PFKFB2: variants seen among roughly 807,000 people sequenced by gnomAD.
PFKFB2 encodes 6-phosphofructo-2-kinase/fructose-2,6-biphosphatase 2, also known as 6-phosphofructo-2-kinase/fructose-2,6-bisphosphatase 2.
A neutral mutation model predicts 68.0 loss-of-function variants in PFKFB2; 53 were observed. The observed-to-expected ratio is 0.78, with a 90% CI of 0.63 to 0.98. The LOEUF is 0.98. Ranked by LOEUF, PFKFB2 falls within the 50% of genes least tolerant of loss-of-function variation. The pLI, the probability that PFKFB2 is intolerant of heterozygous loss-of-function variation, is 0.00. For missense variants in PFKFB2, 451 were observed against 642.0 expected, an observed-to-expected ratio of 0.70 and a Z score of 3.22; for synonymous variants, 222 against 227.6, an observed-to-expected ratio of 0.98 and a Z score of 0.22.
In PFKFB2 at chr1:207,074,702, A is replaced by G. The variant is rs559143869; in HGVS notation, c.*2331A>G. On this transcript the variant is annotated 3_prime_UTR_variant, in exon 15 of 15. Coordinates refer to ENST00000367080, the MANE Select transcript of PFKFB2 (RefSeq NM_006212.2). Reference sequence around the variant, plus strand: ...GAGCTTTGGGCTGGTAGGGGCAGGGATAGGGGAAAGCTAAACAGAAGTAGA... The same window carrying G: ...GAGCTTTGGGCTGGTAGGGGCAGGGGTAGGGGAAAGCTAAACAGAAGTAGA... 9.7e-5 allele frequency: 96 copies of G among 985,418 alleles called. No homozygotes were observed. The South Asian group carries it at 4.0e-3, about 41-fold the overall frequency. The allele number at this position is 985,418 out of a possible 1,614,324, so 61.0% of individuals were successfully genotyped here.
chr1:207,071,510 G>A lies in PFKFB2; in HGVS notation c.1287G>A (p.Gly429=). 1.2e-6 allele frequency: 2 copies of A among 1,612,870 alleles called. No homozygotes were observed. Among genetic ancestry groups the A allele is most frequent in the Non-Finnish European group, 8.5e-7 (1 of 1,178,998 alleles). The change falls in exon 14 of 15, where the codon GGG becomes GGA. Residue 429 remains glycine (G), a splice_region_variant and synonymous_variant. Coordinates refer to ENST00000367080, the MANE Select transcript of PFKFB2 (RefSeq NM_006212.2). ...TIFKLTPVAY[G]CKVETIKLNV... Reference sequence around the variant, plus strand: ...CCTCTCTTTCCTCTGTTTTCTCAGGGTGCAAAGTGGAAACAATTAAACTTA... The same window carrying A: ...CCTCTCTTTCCTCTGTTTTCTCAGGATGCAAAGTGGAAACAATTAAACTTA...
At position 207,073,145 on chromosome 1, in the gene PFKFB2, T is replaced by G; in HGVS notation, c.*774T>G. 2 of 985,552 alleles carry G rather than the reference T, an allele frequency of 2.0e-6. No homozygotes were observed. The highest frequency in any genetic ancestry group is 2.4e-6 in the Non-Finnish European group (2 of 830,010). 61.1% of individuals were successfully genotyped at this position (985,552 alleles called of 1,614,324 possible). A position where few individuals can be genotyped will look rare whatever the true frequency, so the allele number is the denominator to read the frequency against. ...TGCCTCCTTTCATGAGAAACAGTTC[T>G]AAGTCTTCGATGCCCTGGGAGAATC... On this transcript the variant is annotated 3_prime_UTR_variant, in exon 15 of 15. Coordinates refer to ENST00000367080, the MANE Select transcript of PFKFB2 (RefSeq NM_006212.2).
In PFKFB2 at chr1:207,072,986, T is replaced by G; in HGVS notation, c.*615T>G. 1 of 985,640 alleles carries G rather than the reference T, an allele frequency of 1.0e-6. No homozygotes were observed. Among genetic ancestry groups the G allele is most frequent in the South Asian group, 4.7e-5 (1 of 21,286 alleles). The allele number at this position is 985,640 out of a possible 1,614,324, so 61.1% of individuals were successfully genotyped here. ...TAATGCTTTCTGCAGTGGGTCTAAA[T>G]GGATCTGGACTGGAGGAGTCTTTCC... On this transcript the variant is annotated 3_prime_UTR_variant, in exon 15 of 15. Transcript: ENST00000367080.
downstream of PFKFB2, chr1:207,079,372 A>G (rs1683708297): frequency 3.2e-6 from 1 of 309,460 alleles, no homozygotes; most frequent in Admixed American, 4.7e-5. Flanking sequence ...TTTTTTGCCC[A>G]AAGTGCAAAT....
In PFKFB2 at chr1:207,061,981, G is replaced by T. The variant is rs750827022; in HGVS notation, c.114G>T (p.Pro38=). The T allele has an allele frequency of 6.2e-7, 1 of 1,614,108 alleles. No homozygotes were observed. The highest frequency in any genetic ancestry group is 8.5e-7 in the Non-Finnish European group (1 of 1,180,012). ...GGGCCTCCTACATGACCAACTCCCCGACTCTGATCGTTATGATTGGTTTGC... is the reference window on the plus strand; with the variant it reads ...GGGCCTCCTACATGACCAACTCCCCTACTCTGATCGTTATGATTGGTTTGC... ...CSWASYMTNS[P]TLIVMIGLPA... The change falls in exon 3 of 15, where the codon CCG becomes CCT. Residue 38 remains proline (P), a synonymous_variant. Transcript: ENST00000367080.
At position 207,072,779 on chromosome 1, in the gene PFKFB2, G is replaced by A; in HGVS notation, c.*408G>A. The A allele has an allele frequency of 1.0e-6, 1 of 1,001,444 alleles. No individual in the cohort carries two copies. Among genetic ancestry groups the A allele is most frequent in the South Asian group, 4.5e-5 (1 of 22,292 alleles). 62.0% of individuals were successfully genotyped at this position (1,001,444 alleles called of 1,614,324 possible). ...ATGGAGGGCGGGTGAGCAGTCGGGGGACAAAAAGTCTATTTTTCCTTCACT... is the reference window on the plus strand; with the variant it reads ...ATGGAGGGCGGGTGAGCAGTCGGGGAACAAAAAGTCTATTTTTCCTTCACT... On this transcript the variant is annotated 3_prime_UTR_variant, in exon 15 of 15. Transcript: ENST00000367080.
At chr1:207,049,799 A>G, upstream of PFKFB2, 1 of 1,369,148 alleles carries the variant, frequency 7.3e-7, no homozygotes, top group Non-Finnish European at 9.9e-7. Context: ...CAAGTCTGTA[A>G]ATTACAAACT....
rs755238864 is a variant in PFKFB2, at chr1:207,071,288, T to C, written c.1285+38T>C. 14 of 1,541,878 alleles carry C rather than the reference T, an allele frequency of 9.1e-6. No homozygotes were observed. In the South Asian group the frequency reaches 1.3e-4, roughly 15 times the overall value. On this transcript the variant is annotated intron_variant, in intron 13 of 14. Transcript: ENST00000367080. ...ATAGGGGCTGGCAGGAGCTGGGAAT[T>C]GAGGAAGGTCAGAATTTTCTCTGAA...
intron 2 of PFKFB2, chr1:207,045,953 A>C (rs908266598): frequency 2.6e-5 from 4 of 152,110 alleles, no homozygotes; most frequent in African/African-American, 4.8e-5. Flanking sequence ...ACAATGAAGA[A>C]ATCAACCATG....
At chr1:207,069,038 C>G (rs1242296811) in intron 10 of PFKFB2, among the ~76,000 whole-genome samples, 1 of 152,240 alleles carries the variant, frequency 6.6e-6, no homozygotes, top group Non-Finnish European at 1.5e-5. Context: ...AGCCACCGTG[C>G]CCGGCCGACA....
At position 207,076,635 on chromosome 1, in the gene PFKFB2, T is replaced by TGACA. The variant is rs1316834387; in HGVS notation, c.*4272_*4275dup. 1.0e-6 allele frequency: 1 copy of TGACA among 984,886 alleles called. No individual in the cohort carries two copies. Among genetic ancestry groups the TGACA allele is most frequent in the Non-Finnish European group, 1.2e-6 (1 of 829,542 alleles). The allele number at this position is 984,886 out of a possible 1,614,324, so 61.0% of individuals were successfully genotyped here. A position where few individuals can be genotyped will look rare whatever the true frequency, so the allele number is the denominator to read the frequency against. On this transcript the variant is annotated 3_prime_UTR_variant, in exon 15 of 15. Transcript: ENST00000367080. ...TAGTTGGATCTCTGTGCTGACTGAC[T>TGACA]GACAGACAGACTTTAGTGTCTGTGT...
intron 1 of PFKFB2, among the ~76,000 whole-genome samples, chr1:207,036,903 A>C (rs951937464): frequency 4.6e-5 from 7 of 152,190 alleles, no homozygotes; most frequent in African/African-American, 1.7e-4. Flanking sequence ...ATTTGTTAAA[A>C]ATTACTTGAA....
At chr1:207,068,991 C>T (rs912849843) in intron 10 of PFKFB2, among the ~76,000 whole-genome samples, 9 of 152,170 alleles carry the variant, frequency 5.9e-5, no homozygotes, top group African/African-American at 1.9e-4. Flanking sequence ...GTGATCCACC[C>T]GCCTTGGCCA....
At chr1:207,035,772 C>T (rs1282065368) in intron 1 of PFKFB2, among the ~76,000 whole-genome samples, 1 of 152,162 alleles carries the variant, frequency 6.6e-6, no homozygotes, top group African/African-American at 2.4e-5. Flanking sequence ...GTAAGAGTCT[C>T]AGGAAGCTTA....
chr1:207,074,895 G>A lies in PFKFB2; in HGVS notation c.*2524G>A. 4.1e-6 allele frequency: 4 copies of A among 985,502 alleles called. No individual in the cohort carries two copies. The highest frequency in any genetic ancestry group is 4.8e-6 in the Non-Finnish European group (4 of 829,988). 61.0% of individuals were successfully genotyped at this position (985,502 alleles called of 1,614,324 possible). On this transcript the variant is annotated 3_prime_UTR_variant, in exon 15 of 15. Transcript: ENST00000367080. Reference sequence around the variant, plus strand: ...TATGGCTATGAGACTACAGGGGTTGGGGGATGGGGATGCCCCCACCACCAC... The same window carrying A: ...TATGGCTATGAGACTACAGGGGTTGAGGGATGGGGATGCCCCCACCACCAC...
chr1:207,080,506 A>C (rs1389977321), downstream of PFKFB2: 2 of 152,210 alleles, frequency 1.3e-5, no homozygotes, highest in African/African-American at 4.8e-5. Context: ...GATGATTTTC[A>C]TCTGGCTGCC....
At chr1:207,053,254 T>G (rs940297021), upstream of PFKFB2, 11 of 152,394 alleles carry the variant, frequency 7.2e-5, no homozygotes, top group African/African-American at 2.7e-4. Flanking sequence ...GCTCACATGA[T>G]TTGCCGGCGA....
chr1:207,076,203 A>G lies in PFKFB2; in HGVS notation c.*3832A>G. On this transcript the variant is annotated 3_prime_UTR_variant, in exon 15 of 15. Transcript: ENST00000367080. ...AGAGACACTGGCATTTTGAAGAAACATATGATATAGCTGTTTGGAAATAAA... is the reference window on the plus strand; with the variant it reads ...AGAGACACTGGCATTTTGAAGAAACGTATGATATAGCTGTTTGGAAATAAA... 2.0e-6 allele frequency: 2 copies of G among 981,806 alleles called. No individual in the cohort carries two copies. Among genetic ancestry groups the G allele is most frequent in the South Asian group, 9.4e-5 (2 of 21,198 alleles). 60.8% of individuals were successfully genotyped at this position (981,806 alleles called of 1,614,324 possible). A position where few individuals can be genotyped will look rare whatever the true frequency, so the allele number is the denominator to read the frequency against.
chr1:207,074,492 A>G lies in PFKFB2; in HGVS notation c.*2121A>G. 1.0e-5 allele frequency: 10 copies of G among 985,360 alleles called. No individual in the cohort carries two copies. Among genetic ancestry groups the G allele is most frequent in the Non-Finnish European group, 1.2e-5 (10 of 829,894 alleles). The allele number at this position is 985,360 out of a possible 1,614,324, so 61.0% of individuals were successfully genotyped here. ...GAGGTGCAGACCCTGCCAGGATGAT[A>G]AAGGTTGTCATCACTGGCAACTGAC... On this transcript the variant is annotated 3_prime_UTR_variant, in exon 15 of 15. Transcript: ENST00000367080.
Sources: gnomAD v4.1 joint callset for allele counts (sites outside exome capture counted in the v4.1 genomes callset) on GRCh38, gnomAD v4.1.1 for gene constraint, MANE v1.5 for transcripts, NCBI Gene and HGNC (gene_info 2026-07-23, HGNC 2026-07-21) for gene names.